The following HNRNPC variants were observed in gnomAD, a reference collection of about 807,000 sequenced individuals.
The protein encoded by HNRNPC is heterogeneous nuclear ribonucleoprotein C, also known as heterogeneous nuclear ribonucleoproteins C1/C2.
In HNRNPC, 3 loss-of-function variants were observed where a neutral mutation model predicts 33.2. The observed-to-expected ratio is 0.09, with a 90% confidence interval of 0.04 to 0.23. HNRNPC has a LOEUF of 0.23. Among genes scored for constraint, HNRNPC ranks in the 10% least tolerant of loss-of-function variants. The pLI is 1.00. For synonymous variants in HNRNPC, 121 were observed against 126.7 expected, an observed-to-expected ratio of 0.96 and a Z score of 0.30; for missense variants, 143 against 366.7, an observed-to-expected ratio of 0.39 and a Z score of 4.98.
chr14:21,248,868 T>C (rs1896296308), intron 2 of HNRNPC, among the ~76,000 whole-genome samples: 5 of 152,186 alleles, frequency 3.3e-5, no homozygotes, highest in Admixed American at 3.3e-4. Flanking sequence ...AGAATTCATC[T>C]GAAAGAAACA....
At chr14:21,265,838 ATTC>A (rs1878885969) in intron 1 of HNRNPC, among the ~76,000 whole-genome samples, 1 of 152,206 alleles carries the variant, frequency 6.6e-6, no homozygotes, top group African/African-American at 2.4e-5. Flanking sequence ...TCTCTAGGTT[ATTC>A]TTTGTCAAAA....
intron 2 of HNRNPC, among the ~76,000 whole-genome samples, chr14:21,249,588 A>AAAAAC (rs1475730684): frequency 7.1e-5 from 9 of 126,162 alleles, no homozygotes; most frequent in African/African-American, 2.5e-4. Flanking sequence ...ACTGTGTCTC[A>AAAAAC]AAAACAAAAA....
chr14:21,232,798 G>A (rs1031312559), intron 3 of HNRNPC, among the ~76,000 whole-genome samples: 1 of 152,220 alleles, frequency 6.6e-6, no homozygotes, highest in Admixed American at 6.5e-5. Context: ...CACTTTGGGA[G>A]GCCAAAGCGG....
intron 2 of HNRNPC, among the ~76,000 whole-genome samples, chr14:21,251,606 CG>C (rs1896684293): frequency 6.6e-6 from 1 of 151,746 alleles, no homozygotes; most frequent in South Asian, 2.1e-4. Flanking sequence ...TGCTTGAACC[CG>C]GGAAGTGGAG....
intron 2 of HNRNPC, among the ~76,000 whole-genome samples, chr14:21,261,555 A>G (rs1878253818): frequency 6.6e-6 from 1 of 152,126 alleles, no homozygotes; most frequent in Non-Finnish European, 1.5e-5. Flanking sequence ...ATAAGGGGGC[A>G]AGTTTGTGAT....
At chr14:21,237,771 A>AT (rs910725542) in intron 2 of HNRNPC, among the ~76,000 whole-genome samples, 44 of 149,740 alleles carry the variant, frequency 2.9e-4, no homozygotes, top group South Asian at 1.3e-3. Context: ...CCTTGATCAC[A>AT]TTTTTTTTTT....
chr14:21,250,692 T>A (rs1028969922), intron 2 of HNRNPC, among the ~76,000 whole-genome samples: 2 of 152,220 alleles, frequency 1.3e-5, no homozygotes, highest in Admixed American at 1.3e-4. Flanking sequence ...TTGTATTATT[T>A]CCAATGTAAA....
chr14:21,266,753 A>C (rs1387912872), intron 1 of HNRNPC, among the ~76,000 whole-genome samples: 1 of 151,534 alleles, frequency 6.6e-6, no homozygotes, highest in Non-Finnish European at 1.5e-5. Context: ...AAGTACTTGA[A>C]GACTGAAATA....
At chr14:21,245,984 C>T (rs1401004576) in intron 2 of HNRNPC, among the ~76,000 whole-genome samples, 2 of 151,976 alleles carry the variant, frequency 1.3e-5, no homozygotes, top group Admixed American at 6.6e-5. Context: ...TAGCTGGGAA[C>T]ACAGATGTGC....
chr14:21,248,314 A>G (rs1178551222), intron 2 of HNRNPC, among the ~76,000 whole-genome samples: 1 of 152,170 alleles, frequency 6.6e-6, no homozygotes, highest in African/African-American at 2.4e-5. Context: ...AAAATTTGGG[A>G]TTACAGGCGT....
intron 2 of HNRNPC, among the ~76,000 whole-genome samples, chr14:21,239,113 G>A (rs1017172519): frequency 1.3e-5 from 2 of 152,036 alleles, no homozygotes; most frequent in African/African-American, 4.8e-5. Context: ...AACAGAAGGA[G>A]ACACTGTCTC....
chr14:21,268,849 C>A (rs1035137222), intron 1 of HNRNPC, among the ~76,000 whole-genome samples: 1 of 152,136 alleles, frequency 6.6e-6, no homozygotes, highest in African/African-American at 2.4e-5. Flanking sequence ...CCACGCGGCA[C>A]GATCCAGGAT....
At position 21,255,662 on chromosome 14, in the gene HNRNPC, TG is replaced by T. The variant is rs140892481; in HGVS notation, c.-37+7648del. 8.3e-3 allele frequency among the ~76,000 whole-genome samples: 1,258 copies of T among 152,360 alleles called. 20 individuals carry two copies. Among genetic ancestry groups the T allele is most frequent in the African/African-American group, 0.029 (1,202 of 41,592 alleles). On this transcript the variant is annotated intron_variant, in intron 2 of 8. Transcript: ENST00000553300. ...AATTAGAAGGAAAATACTACCACAT[TG>T]ATCATTATAATAGTCTTAAGCACAT...
intron 2 of HNRNPC, among the ~76,000 whole-genome samples, chr14:21,237,192 G>C (rs1894793159): frequency 6.6e-6 from 1 of 152,124 alleles, no homozygotes; most frequent in South Asian, 2.1e-4. Context: ...TGATTCCACT[G>C]CCAATCCCCC....
At chr14:21,251,299 G>A (rs981707749) in intron 2 of HNRNPC, among the ~76,000 whole-genome samples, 4 of 130,700 alleles carry the variant, frequency 3.1e-5, no homozygotes, top group African/African-American at 1.1e-4. Flanking sequence ...TCATTTCCTT[G>A]TTATCTTACA....
intron 2 of HNRNPC, among the ~76,000 whole-genome samples, chr14:21,250,537 T>C (rs1252186926): frequency 6.6e-6 from 1 of 152,210 alleles, no homozygotes; most frequent in East Asian, 1.9e-4. Flanking sequence ...AGATATATGA[T>C]CTGCATTAAG....
At chr14:21,231,324 TCA>T (rs1391038831) in intron 3 of HNRNPC, 20 of 590,212 alleles carry the variant, frequency 3.4e-5, no homozygotes, top group Non-Finnish European at 5.7e-5. Flanking sequence ...GTTTAGAAAA[TCA>T]CACAGACACA....
At chr14:21,247,466 T>C (rs1319688648) in intron 2 of HNRNPC, among the ~76,000 whole-genome samples, 1 of 152,194 alleles carries the variant, frequency 6.6e-6, no homozygotes, top group Non-Finnish European at 1.5e-5. Flanking sequence ...CAATCTCAAA[T>C]AAGAAGCTGT....
intron 2 of HNRNPC, among the ~76,000 whole-genome samples, chr14:21,257,549 T>G (rs1237912665): frequency 6.6e-6 from 1 of 151,814 alleles, no homozygotes; most frequent in African/African-American, 2.4e-5. Context: ...CACTTCGGTT[T>G]TATAAGTCTT....
Sources: gnomAD v4.1 joint callset for allele counts (sites outside exome capture counted in the v4.1 genomes callset) on GRCh38, gnomAD v4.1.1 for gene constraint, MANE v1.5 for transcripts, NCBI Gene and HGNC (gene_info 2026-07-23, HGNC 2026-07-21) for gene names.